PAX5: variants seen among roughly 807,000 people sequenced by gnomAD.
PAX5 encodes the protein paired box protein Pax-5.
PAX5 carries 9 observed loss-of-function variants against 43.7 expected under a neutral mutation model. The ratio of observed to expected loss-of-function variants is 0.21; its 90% CI spans 0.12 to 0.36. The LOEUF (loss-of-function observed/expected upper bound fraction) is 0.36, where lower values mean the gene tolerates loss of function less well. PAX5 is among the 10% of genes least tolerant of loss of function. PAX5 has a pLI of 1.00. For missense variants in PAX5, 383 were observed against 532.7 expected (o/e 0.72, Z 2.77); for synonymous variants, 228 against 214.3 (o/e 1.06, Z -0.56).
intron 7 of PAX5, among the ~76,000 whole-genome samples, chr9:36,911,771 C>T (rs1379267555): frequency 6.6e-6 from 1 of 152,318 alleles, no homozygotes; most frequent in Admixed American, 6.5e-5. Context: ...CCTGGCACCC[C>T]GCCAGAGGGG....
In PAX5 at chr9:36,909,582, A is replaced by G. The variant is rs1036827218; in HGVS notation, c.910+13773T>C. Among the ~76,000 whole-genome samples, 5 of 152,170 alleles carry G rather than the reference A, an allele frequency of 3.3e-5. No individual in the cohort carries two copies. In the East Asian group the frequency reaches 5.8e-4, roughly 18 times the overall value. Reference sequence around the variant, plus strand: ...GGCAGGAATGAAGGTAAGAGGACACAGGAAGGATGGGGTGACTGGGTTAGA... The same window carrying G: ...GGCAGGAATGAAGGTAAGAGGACACGGGAAGGATGGGGTGACTGGGTTAGA... On this transcript the variant is annotated intron_variant, in intron 7 of 9. Coordinates refer to ENST00000358127, the MANE Select transcript of PAX5 (RefSeq NM_016734.3).
intron 6 of PAX5, among the ~76,000 whole-genome samples, chr9:36,964,178 G>A (rs978331469): frequency 1.3e-5 from 2 of 152,154 alleles, no homozygotes; most frequent in African/African-American, 4.8e-5. Flanking sequence ...CTACTCGGGA[G>A]GCTGAGGCAG....
intron 8 of PAX5, among the ~76,000 whole-genome samples, chr9:36,865,000 C>T (rs1374940742): frequency 6.6e-6 from 1 of 152,218 alleles, no homozygotes; most frequent in Non-Finnish European, 1.5e-5. Context: ...GCGGCCTTCC[C>T]GCCCGCGAAG....
chr9:37,026,308 T>C (rs1461115826), intron 1 of PAX5, among the ~76,000 whole-genome samples: 2 of 152,380 alleles, frequency 1.3e-5, no homozygotes, highest in Admixed American at 6.5e-5. Flanking sequence ...TGCAGCTCGC[T>C]GCCCAAGCTA....
intron 8 of PAX5, among the ~76,000 whole-genome samples, chr9:36,857,093 G>A (rs754558086): frequency 5.9e-5 from 9 of 152,158 alleles, no homozygotes; most frequent in South Asian, 4.1e-4. Context: ...CTAGGTTCTC[G>A]TGTGTCTAGC....
chr9:36,923,091 T>G, intron 7 of PAX5: 1 of 415,276 alleles, frequency 2.4e-6, no homozygotes, highest in African/African-American at 2.0e-5. Flanking sequence ...GGCATGAGGT[T>G]TCCTGCCCCC....
chr9:36,875,545 GC>G (rs35444434), intron 8 of PAX5, among the ~76,000 whole-genome samples: 7,458 of 151,686 alleles, frequency 0.049, 350 homozygotes, highest in African/African-American at 0.12. Context: ...CAGAATTGTG[GC>G]CCCCCCCAAA....
At chr9:36,881,545 C>T (rs1826411365) in intron 8 of PAX5, among the ~76,000 whole-genome samples, 1 of 152,042 alleles carries the variant, frequency 6.6e-6, no homozygotes, top group Admixed American at 6.5e-5. Flanking sequence ...CACCATCCAA[C>T]ATCCCGTCTG....
At chr9:36,946,198 T>C (rs968813328) in intron 6 of PAX5, among the ~76,000 whole-genome samples, 1 of 151,920 alleles carries the variant, frequency 6.6e-6, no homozygotes, top group Non-Finnish European at 1.5e-5. Context: ...GATGCAGTGC[T>C]CCATCAGGAA....
At chr9:36,877,605 G>A (rs1587844403) in intron 8 of PAX5, among the ~76,000 whole-genome samples, 1 of 152,088 alleles carries the variant, frequency 6.6e-6, no homozygotes, top group Admixed American at 6.5e-5. Context: ...ACAGGCCCTC[G>A]GGGTCAATGC....
At chr9:36,932,839 T>C (rs1018661653) in intron 6 of PAX5, among the ~76,000 whole-genome samples, 6 of 152,126 alleles carry the variant, frequency 3.9e-5, no homozygotes, top group Admixed American at 3.9e-4. Context: ...CTGATTAAAT[T>C]ACTCCAAGTC....
intron 6 of PAX5, among the ~76,000 whole-genome samples, chr9:36,950,112 C>T (rs1394450469): frequency 6.6e-6 from 1 of 152,222 alleles, no homozygotes; most frequent in African/African-American, 2.4e-5. Flanking sequence ...TCCTTGCATG[C>T]TCTCATCCTG....
chr9:36,993,307 T>A (rs1837090126), intron 5 of PAX5, among the ~76,000 whole-genome samples: 1 of 152,230 alleles, frequency 6.6e-6, no homozygotes, highest in East Asian at 1.9e-4. Context: ...TTTTAATAAA[T>A]AAATATTTTA....
chr9:37,015,284 G>T lies in PAX5; in HGVS notation c.213-90C>A. 1.8e-6 allele frequency: 2 copies of T among 1,136,720 alleles called. No homozygotes were observed. Among genetic ancestry groups the T allele is most frequent in the Middle Eastern group, 2.4e-4 (1 of 4,182 alleles). 70.4% of individuals were successfully genotyped at this position (1,136,720 alleles called of 1,614,324 possible). On this transcript the variant is annotated intron_variant, in intron 2 of 9. Coordinates refer to ENST00000358127, the MANE Select transcript of PAX5 (RefSeq NM_016734.3). This position sits in a 1 kb window ranked among gnomAD's most constrained non-coding sequence, Gnocchi z 4.4. ...TAACGGGCTACTCTGGCCAGGAAAC[G>T]TCCGGATCTGCACGTTCCAATACAG...
intron 8 of PAX5, among the ~76,000 whole-genome samples, chr9:36,855,265 A>G (rs908658955): frequency 6.6e-6 from 1 of 152,234 alleles, no homozygotes; most frequent in Non-Finnish European, 1.5e-5. Flanking sequence ...GAAAGGGGCA[A>G]GTATCAGTAG....
chr9:37,028,142 G>C (rs1341315642), intron 1 of PAX5, among the ~76,000 whole-genome samples: 1 of 152,212 alleles, frequency 6.6e-6, no homozygotes, highest in Non-Finnish European at 1.5e-5. Flanking sequence ...GTATGTTGGA[G>C]GAAGACAAGG....
chr9:36,890,496 C>A (rs992690898), intron 7 of PAX5, among the ~76,000 whole-genome samples: 5 of 152,188 alleles, frequency 3.3e-5, no homozygotes, highest in African/African-American at 4.8e-5. Context: ...CCAGGCAACA[C>A]GGATTGCTGT....
intron 7 of PAX5, among the ~76,000 whole-genome samples, chr9:36,909,891 G>T (rs1159107149): frequency 7.3e-6 from 1 of 136,392 alleles, no homozygotes; most frequent in Admixed American, 8.1e-5. Context: ...GCACGATCAT[G>T]GCTCACTGCA....
intron 3 of PAX5, among the ~76,000 whole-genome samples, chr9:37,012,070 T>G (rs1295443284): frequency 6.6e-6 from 1 of 152,042 alleles, no homozygotes; most frequent in East Asian, 1.9e-4. Context: ...GAGCTGTCAC[T>G]GAAGAGAGCA....
Sources: allele counts gnomAD v4.1 joint callset (sites outside exome capture counted in the v4.1 genomes callset), GRCh38; gene constraint gnomAD v4.1.1; non-coding constraint Gnocchi (gnomAD v3.1); transcripts MANE v1.5; gene names NCBI Gene and HGNC (gene_info 2026-07-23, HGNC 2026-07-21).